Variants in XRCC6 observed in about 807,000 individuals in gnomAD.
XRCC6 encodes the protein DNA repair protein Ku70.
A neutral mutation model predicts 65.7 loss-of-function variants in XRCC6; 5 were observed. The observed-to-expected ratio is 0.08, with a 90% CI of 0.04 to 0.16. The LOEUF is 0.16. Ranked by LOEUF, XRCC6 falls within the 10% of genes least tolerant of loss-of-function variation. XRCC6 has a pLI of 1.00. For synonymous variants in XRCC6, 270 were observed against 270.6 expected (o/e 1.00, Z 0.02); for missense variants, 447 against 738.1 (o/e 0.61, Z 4.57).
At chr22:41,661,494 T>C (rs377410998) in intron 12 of XRCC6, 50 bp downstream of exon 12, 22 of 1,511,822 alleles carry the variant, frequency 1.5e-5, no homozygotes, top group African/African-American at 2.8e-5. Flanking sequence ...ATTGCTTTTA[T>C]GATAGTCTTA....
At chr22:41,648,328 C>A (rs569603274) in intron 7 of XRCC6, 1 of 152,140 alleles carries the variant, frequency 6.6e-6, no homozygotes, top group South Asian at 2.1e-4. Context: ...GAAAACCTCA[C>A]CCCTTCATCA....
rs770835747 is a variant in XRCC6, at chr22:41,661,488, CT to C, written c.1636+48del. On this transcript the variant is annotated intron_variant, in intron 12 of 12. Transcript: ENST00000360079. Reference sequence around the variant, plus strand: ...ACATGTGGGCTATTTTTAAAAATTGCTTTTATGATAGTCTTATCACAGTGGG... The same window carrying C: ...ACATGTGGGCTATTTTTAAAAATTGCTTTATGATAGTCTTATCACAGTGGG... The C allele has an allele frequency of 1.9e-6, 3 of 1,550,160 alleles. No homozygotes were observed. The Admixed American group carries it at 5.2e-5, about 27-fold the overall frequency.
rs765303000 is a variant in XRCC6, at chr22:41,636,525, G to A, written c.344G>A (p.Arg115Gln). Reference sequence around the variant, plus strand: ...CCCTGCCTCTGATCAGGTGCAAAACGAATTCTAGAGCTTGACCAGTTTAAG... The same window carrying A: ...CCCTGCCTCTGATCAGGTGCAAAACAAATTCTAGAGCTTGACCAGTTTAAG... Reference protein sequence around the residue: ...LQELDNPGAKRILELDQFKGQ... With the variant: ...LQELDNPGAKQILELDQFKGQ... The change falls in exon 5 of 13, where the codon CGA becomes CAA. Residue 115 changes from arginine to glutamine, a missense_variant. Coordinates refer to ENST00000360079, the MANE Select transcript of XRCC6 (RefSeq NM_001469.5). The A allele has an allele frequency of 1.9e-6, 3 of 1,613,856 alleles. No homozygotes were observed. Among genetic ancestry groups the A allele is most frequent in the South Asian group, 1.1e-5 (1 of 91,048 alleles).
At chr22:41,635,978 G>T (rs2147082404) in intron 3 of XRCC6, 135 bp from the exon 4 acceptor site, 2 of 683,052 alleles carry the variant, frequency 2.9e-6, no homozygotes, top group Non-Finnish European at 4.6e-6. Flanking sequence ...CATTACCCCT[G>T]AAGGTAGGGA....
At chr22:41,622,945 G>GAAA (rs536296349) in intron 2 of XRCC6, among the ~76,000 whole-genome samples, 3 of 133,368 alleles carry the variant, frequency 2.2e-5, no homozygotes, top group Non-Finnish European at 4.9e-5. Flanking sequence ...ACTCTCTCAG[G>GAAA]AAAAAAAAAA....
intron 11 of XRCC6, among the ~76,000 whole-genome samples, chr22:41,659,456 T>C (rs547172602): frequency 1.3e-5 from 2 of 152,142 alleles, no homozygotes; most frequent in East Asian, 1.9e-4. Context: ...TCCGCCCGCC[T>C]TGGCCTCCCA....
intron 4 of XRCC6, 126 bp downstream of exon 4, chr22:41,636,377 A>C (rs2067810051): frequency 1.0e-5 from 15 of 1,482,214 alleles, no homozygotes; most frequent in Non-Finnish European, 1.3e-5. Context: ...CCATAAGGGG[A>C]CCTTGCTCGA....
At chr22:41,645,566 A>G (rs2067922624) in intron 6 of XRCC6, among the ~76,000 whole-genome samples, 1 of 152,164 alleles carries the variant, frequency 6.6e-6, no homozygotes, top group South Asian at 2.1e-4. Flanking sequence ...AAGAAGGCAC[A>G]GCAACTTGAG....
At chr22:41,662,937 C>T (rs375751146) in intron 12 of XRCC6, among the ~76,000 whole-genome samples, 165 of 152,036 alleles carry the variant, frequency 1.1e-3, no homozygotes, top group African/African-American at 3.8e-3. Flanking sequence ...AAAAATTAGC[C>T]AGATGTGGTA....
intron 4 of XRCC6, 93 bp downstream of exon 4, chr22:41,636,344 C>T: frequency 6.7e-7 from 1 of 1,503,540 alleles, no homozygotes; most frequent in Non-Finnish European, 8.9e-7. Flanking sequence ...CAAGTTACAT[C>T]TTGTCTAGGA....
rs148749706 is a variant in XRCC6, at chr22:41,650,837, C to T, written c.1075C>T (p.His359Tyr). 6 of 1,613,944 alleles carry T rather than the reference C, an allele frequency of 3.7e-6. No individual in the cohort carries two copies. Among genetic ancestry groups the T allele is most frequent in the Non-Finnish European group, 5.1e-6 (6 of 1,179,970 alleles). Reference protein sequence around the residue: ...GFKPLVLLKKHHYLRPSLFVY... With the variant: ...GFKPLVLLKKYHYLRPSLFVY... ...CAAGCCGTTGGTACTGCTGAAGAAACACCATTACCTGAGGCCCTCCCTGTT... is the reference window on the plus strand; with the variant it reads ...CAAGCCGTTGGTACTGCTGAAGAAATACCATTACCTGAGGCCCTCCCTGTT... Residue 359 changes from histidine to tyrosine, a missense_variant, in exon 8 of 13, where the codon CAC (histidine) becomes TAC (tyrosine). Around this residue, in one of 4 missense-constraint regions of XRCC6, gnomAD observed 201 missense variants for 374.1 expected, o/e 0.54. Transcript: ENST00000360079.
At chr22:41,633,888 T>C (rs1216549967) in intron 3 of XRCC6, among the ~76,000 whole-genome samples, 2 of 152,212 alleles carry the variant, frequency 1.3e-5, no homozygotes, top group African/African-American at 4.8e-5. Flanking sequence ...ATTCAGTAGT[T>C]GATAAGCAAT....
chr22:41,663,890 G>T lies in XRCC6; in HGVS notation c.*75G>T, dbSNP rs2068123483. 6.6e-7 allele frequency: 1 copy of T among 1,506,110 alleles called. No individual in the cohort carries two copies. Among genetic ancestry groups the T allele is most frequent in the Non-Finnish European group, 9.0e-7 (1 of 1,109,376 alleles). The allele number at this position is 1,506,110 out of a possible 1,614,324, so 93.3% of individuals were successfully genotyped here. On this transcript the variant is annotated 3_prime_UTR_variant, in exon 13 of 13. Transcript: ENST00000360079. Reference sequence around the variant, plus strand: ...GGCCTTGTCCTCAGCCAGTTAAAATGTGTTTCTCCTGAGCTAGGAAGAGTC... The same window carrying T: ...GGCCTTGTCCTCAGCCAGTTAAAATTTGTTTCTCCTGAGCTAGGAAGAGTC...
intron 6 of XRCC6, among the ~76,000 whole-genome samples, chr22:41,642,535 G>A (rs552576790): frequency 2.0e-5 from 3 of 152,290 alleles, no homozygotes; most frequent in Non-Finnish European, 4.4e-5. Context: ...CAAGCTCAAT[G>A]TGCTGGAGAA....
rs773594748 is a variant in XRCC6, at chr22:41,661,441, C to T, written c.1633C>T (p.His545Tyr). 6.2e-7 allele frequency: 1 copy of T among 1,613,490 alleles called. No homozygotes were observed. Among genetic ancestry groups the T allele is most frequent in the Non-Finnish European group, 8.5e-7 (1 of 1,179,736 alleles). ...TGAAGGGAAAGTTACCAAGAGAAAACACGGTGAGAAGCTGAATGTGGACAT... is the reference window on the plus strand; with the variant it reads ...TGAAGGGAAAGTTACCAAGAGAAAATACGGTGAGAAGCTGAATGTGGACAT... ...NPEGKVTKRK[H>Y]DNEGSGSKRP... Residue 545 changes from histidine (H) to tyrosine (Y), a missense_variant, in exon 12 of 13, where the codon CAC (histidine) becomes TAC (tyrosine). This residue lies in a region of XRCC6 where 201 missense variants were observed against 374.1 expected (regional missense o/e 0.54). Transcript: ENST00000360079.
chr22:41,626,464 TA>T (rs2067674591), intron 2 of XRCC6, among the ~76,000 whole-genome samples: 2 of 151,058 alleles, frequency 1.3e-5, no homozygotes, highest in Non-Finnish European at 3.0e-5. Context: ...ATTTTTTATT[TA>T]TTTTTTTGAG....
rs1194159758 is a variant in XRCC6, at chr22:41,622,020, T to C, written c.16T>C (p.Ser6Pro). The change falls in exon 2 of 13, where the codon TCA becomes CCA. Residue 6 changes from serine to proline, a missense_variant. Physicochemically the swap from Ser to Pro is moderately conservative, Grantham distance 74. This residue lies in a region of XRCC6 where 228 missense variants were observed against 307.4 expected (regional missense o/e 0.74). Transcript: ENST00000360079. MSGWESYYKTEGDEEA... is the reference protein window; with the variant it reads MSGWEPYYKTEGDEEA... ...AGTAGCCAACATGTCAGGGTGGGAG[T>C]CATATTACAAAACCGAGGGCGATGA... is the stretch of plus-strand genomic sequence containing the variant. The C allele has an allele frequency of 6.2e-7, 1 of 1,613,942 alleles. No homozygotes were observed. The highest frequency in any genetic ancestry group is 8.5e-7 in the Non-Finnish European group (1 of 1,179,998).
intron 2 of XRCC6, among the ~76,000 whole-genome samples, chr22:41,624,283 G>A (rs1569077078): frequency 6.6e-6 from 1 of 152,112 alleles, no homozygotes; most frequent in Non-Finnish European, 1.5e-5. Context: ...AGCTGCTTGG[G>A]AGGCTGAGGC....
chr22:41,658,961 ATAATT>A (rs1479032273), intron 11 of XRCC6, among the ~76,000 whole-genome samples: 3 of 152,112 alleles, frequency 2.0e-5, no homozygotes, highest in East Asian at 1.9e-4. Context: ...AAATCAATAA[ATAATT>A]TAAGAGGAAA....
Sources: gnomAD v4.1 joint callset for allele counts (sites outside exome capture counted in the v4.1 genomes callset) on GRCh38, gnomAD v4.1.1 for gene constraint, gnomAD v4.1.1 regional missense constraint, MANE v1.5 for transcripts, NCBI Gene and HGNC (gene_info 2026-07-23, HGNC 2026-07-21) for gene names.